The following HINT3 variants were observed in gnomAD, a reference collection of about 807,000 sequenced individuals.
The protein encoded by HINT3 is adenosine 5'-monophosphoramidase HINT3.
A neutral mutation model predicts 19.1 loss-of-function variants in HINT3; 16 were observed. The observed-to-expected ratio is 0.84, with a 90% CI of 0.57 to 1.27. The LOEUF (loss-of-function observed/expected upper bound fraction) is 1.27. Among genes scored for constraint, HINT3 ranks in the 50% most tolerant of loss-of-function variants. The pLI is 0.00. For missense variants in HINT3, 197 were observed against 225.8 expected (o/e 0.87, Z 0.82); for synonymous variants, 75 against 84.8 (o/e 0.88, Z 0.63).
chr6:125,968,479 T>A (rs1338081354), intron 2 of HINT3, among the ~76,000 whole-genome samples: 1 of 152,220 alleles, frequency 6.6e-6, no homozygotes, highest in African/African-American at 2.4e-5. Flanking sequence ...CACATACAAG[T>A]GCATGTGTCT....
chr6:125,962,163 C>CATATATATATATATATATATATACACAT (rs1788936057), intron 1 of HINT3, among the ~76,000 whole-genome samples: 3 of 11,258 alleles, frequency 2.7e-4, no homozygotes, highest in South Asian at 4.8e-3. Context: ...TATATATACA[C>CATATATATATATATATATATATACACAT]ATATATATAT....
intron 1 of HINT3, among the ~76,000 whole-genome samples, chr6:125,965,200 C>T (rs1583589286): frequency 1.3e-5 from 2 of 152,216 alleles, no homozygotes; most frequent in South Asian, 2.1e-4. Context: ...TTTTAGGAAC[C>T]GCTTTAGCTT....
intron 2 of HINT3, among the ~76,000 whole-genome samples, chr6:125,969,327 T>A (rs1342408152): frequency 6.6e-6 from 1 of 152,170 alleles, no homozygotes; most frequent in Non-Finnish European, 1.5e-5. Context: ...GTATGTGGCT[T>A]TATTTCTGGG....
At chr6:125,969,426 G>T (rs1789067448) in intron 2 of HINT3, among the ~76,000 whole-genome samples, 1 of 152,196 alleles carries the variant, frequency 6.6e-6, no homozygotes, top group East Asian at 1.9e-4. Context: ...ATAGTTTGAA[G>T]TTGGGTAACG....
chr6:125,957,088 G>A lies in HINT3; in HGVS notation c.111G>A (p.Lys37=). The change falls in exon 1 of 5, where the codon AAG becomes AAA. Residue 37 remains lysine (K), a synonymous_variant. Coordinates refer to ENST00000229633, the MANE Select transcript of HINT3 (RefSeq NM_138571.5). ...SSVGTCEAAG[K]SPEPKDYDST... is the part of the protein sequence containing the mutation. The stretch of plus-strand genomic sequence containing the variant: ...TGGGGACCTGTGAAGCCGCTGGCAA[G>A]TCACCAGAGCCCAAGGACTACGACA... The A allele has an allele frequency of 6.4e-7, 1 of 1,550,970 alleles. No homozygotes were observed. The highest frequency in any genetic ancestry group is 2.0e-5 in the Admixed American group (1 of 51,010).
intron 1 of HINT3, among the ~76,000 whole-genome samples, chr6:125,965,860 C>T (rs911031886): frequency 3.9e-5 from 6 of 152,072 alleles, no homozygotes; most frequent in African/African-American, 1.4e-4. Context: ...TAATACTAGA[C>T]AGAAAAACCA....
At chr6:125,975,114 A>C (rs981846701) in intron 4 of HINT3, 141 bp downstream of exon 4, 13 of 658,550 alleles carry the variant, frequency 2.0e-5, no homozygotes, top group African/African-American at 5.5e-5. Context: ...CACATATCCA[A>C]AATAATATTT....
At position 125,965,007 on chromosome 6, in the gene HINT3, A is replaced by G. The variant is rs191361806; in HGVS notation, c.202-1880A>G. 8.5e-5 allele frequency among the ~76,000 whole-genome samples: 13 copies of G among 152,312 alleles called. No individual in the cohort carries two copies. The East Asian group carries it at 2.5e-3, about 29-fold the overall frequency. ...AGGAATTTTATCTATTCCTGGTGAT[A>G]AGAGTCATGTTGATTGGTAGTTTTT... On this transcript the variant is annotated intron_variant, in intron 1 of 4. Coordinates refer to ENST00000229633, the MANE Select transcript of HINT3 (RefSeq NM_138571.5).
intron 4 of HINT3, among the ~76,000 whole-genome samples, chr6:125,976,359 G>T (rs1049078869): frequency 6.6e-6 from 1 of 151,828 alleles, no homozygotes; most frequent in Non-Finnish European, 1.5e-5. Flanking sequence ...TGTAGTGAGT[G>T]ATCATGCCAC....
chr6:125,969,021 T>C (rs1789058065), intron 2 of HINT3, among the ~76,000 whole-genome samples: 2 of 152,190 alleles, frequency 1.3e-5, no homozygotes, highest in Admixed American at 1.3e-4. Flanking sequence ...TTGGTCCTAC[T>C]TGTCAATTTG....
chr6:125,966,405 G>A (rs542567671), intron 1 of HINT3, among the ~76,000 whole-genome samples: 1 of 152,250 alleles, frequency 6.6e-6, no homozygotes, highest in Non-Finnish European at 1.5e-5. Flanking sequence ...GCTTTAAAAA[G>A]TGTTTAAAAA....
chr6:125,969,404 T>C (rs1438499166), intron 2 of HINT3, among the ~76,000 whole-genome samples: 3 of 152,200 alleles, frequency 2.0e-5, no homozygotes, highest in Non-Finnish European at 1.5e-5. Flanking sequence ...TTTGGTTATA[T>C]AGACTTATAG....
At chr6:125,964,670 A>G (rs1441382049) in intron 1 of HINT3, among the ~76,000 whole-genome samples, 3 of 151,974 alleles carry the variant, frequency 2.0e-5, no homozygotes, top group Non-Finnish European at 4.4e-5. Context: ...GCCCAGCTGC[A>G]TTATGAATGT....
At chr6:125,967,598 C>A (rs1789037731) in intron 2 of HINT3, among the ~76,000 whole-genome samples, 1 of 152,126 alleles carries the variant, frequency 6.6e-6, no homozygotes, top group Admixed American at 6.5e-5. Flanking sequence ...TCCCAAAGTG[C>A]TGGGATTACA....
chr6:125,973,051 G>A (rs887685724), intron 3 of HINT3, among the ~76,000 whole-genome samples: 8 of 113,754 alleles, frequency 7.0e-5, no homozygotes, highest in Non-Finnish European at 3.6e-5. Context: ...AGCACATGAT[G>A]TTCAATTTTT....
rs960988886 is a variant in HINT3, at chr6:125,979,000, G to C, written c.*1324G>C. ...AAAATCAGTGATTAGAATTTAGTGC[G>C]TTAAGTTCCCTGATGCCTTCACAGC... is the stretch of plus-strand genomic sequence containing the variant. On this transcript the variant is annotated 3_prime_UTR_variant, in exon 5 of 5. Transcript: ENST00000229633. 1 of 152,172 alleles carries C rather than the reference G, an allele frequency of 6.6e-6. No individual in the cohort carries two copies. Among genetic ancestry groups the C allele is most frequent in the Non-Finnish European group, 1.5e-5 (1 of 68,030 alleles). The allele number at this position is 152,172 out of a possible 1,614,324, so 9.4% of individuals were successfully genotyped here.
chr6:125,972,748 C>T (rs1034252884), intron 3 of HINT3, among the ~76,000 whole-genome samples: 24 of 151,968 alleles, frequency 1.6e-4, no homozygotes, highest in African/African-American at 3.4e-4. Flanking sequence ...CTGCCACACC[C>T]GGCTAATTTT....
intron 1 of HINT3, among the ~76,000 whole-genome samples, chr6:125,964,651 AAACC>A (rs1445983417): frequency 6.6e-6 from 1 of 152,066 alleles, no homozygotes; most frequent in African/African-American, 2.4e-5. Flanking sequence ...ATAATTTATT[AAACC>A]AGTCGCCCAG....
intron 1 of HINT3, among the ~76,000 whole-genome samples, chr6:125,962,036 G>A (rs1312173214): frequency 6.6e-6 from 1 of 151,446 alleles, no homozygotes; most frequent in African/African-American, 2.4e-5. Flanking sequence ...GAGATTGTGA[G>A]AGAGATTCTT....
Sources: allele counts gnomAD v4.1 joint callset (sites outside exome capture counted in the v4.1 genomes callset), GRCh38; gene constraint gnomAD v4.1.1; transcripts MANE v1.5; gene names NCBI Gene and HGNC (gene_info 2026-07-23, HGNC 2026-07-21).